The following DPYD variants were observed in gnomAD, a reference collection of about 807,000 sequenced individuals.
DPYD encodes the protein dihydropyrimidine dehydrogenase [NADP(+)].
Under a neutral mutation model 116.2 loss-of-function variants are expected in DPYD, and 109 were observed. That is an observed-to-expected ratio of 0.94 (90% CI 0.80 to 1.10). DPYD has a LOEUF of 1.10. Ranked by LOEUF, DPYD falls within the 50% of genes least tolerant of loss-of-function variation. The pLI is 0.00. For missense variants in DPYD, 1,302 were observed against 1,254.5 expected (o/e 1.04, Z -0.57); for synonymous variants, 440 against 432.0 (o/e 1.02, Z -0.23).
chr1:97,434,455 C>G (rs1480481686), intron 14 of DPYD, among the ~76,000 whole-genome samples: 2 of 151,978 alleles, frequency 1.3e-5, no homozygotes, highest in Non-Finnish European at 2.9e-5. Flanking sequence ...AAATACTTTC[C>G]TTGGATTGGG....
chr1:97,795,137 C>T (rs1667500935), intron 3 of DPYD, among the ~76,000 whole-genome samples: 1 of 151,994 alleles, frequency 6.6e-6, no homozygotes, highest in African/African-American at 2.4e-5. Flanking sequence ...TAAAGTCATA[C>T]TTCTTTATGT....
Position 97,124,667 on chromosome 1 carries a change from G to T in DPYD, c.2623-26035C>A, listed in dbSNP as rs560164675. On this transcript the variant is annotated intron_variant, in intron 20 of 22. Transcript: ENST00000370192. Reference sequence around the variant, plus strand: ...AGGCACAAAATGTTTGGGTTCAGTGGATATAAGTCCACTGAGGAAAGTTAG... The same window carrying T: ...AGGCACAAAATGTTTGGGTTCAGTGTATATAAGTCCACTGAGGAAAGTTAG... 2.9e-4 allele frequency among the ~76,000 whole-genome samples: 44 copies of T among 152,186 alleles called. 1 individual carries two copies. The South Asian group carries it at 8.9e-3, about 31-fold the overall frequency.
intron 14 of DPYD, among the ~76,000 whole-genome samples, chr1:97,401,306 GT>G (rs776919090): frequency 6.6e-6 from 1 of 151,306 alleles, no homozygotes; most frequent in Admixed American, 6.6e-5. Context: ...CTGAGCGGAA[GT>G]TTTTTTTTGT....
At chr1:97,796,351 CTTCTAT>C (rs1667570364) in intron 3 of DPYD, among the ~76,000 whole-genome samples, 1 of 151,926 alleles carries the variant, frequency 6.6e-6, no homozygotes, top group Admixed American at 6.6e-5. Flanking sequence ...TAAACTGATC[CTTCTAT>C]TCAACACATG....
rs1381057828 is a variant in DPYD, at chr1:97,277,196, G to A, written c.2299+28063C>T. Among the ~76,000 whole-genome samples, 9 of 152,014 alleles carry A rather than the reference G, an allele frequency of 5.9e-5. No individual in the cohort carries two copies. The East Asian group carries it at 1.7e-3, about 29-fold the overall frequency. The stretch of plus-strand genomic sequence containing the variant: ...ATATAGATGGGAACAACAGACACTT[G>A]GGACTACCAGAGAAAGGGAGGAAGG... On this transcript the variant is annotated intron_variant, in intron 18 of 22. Transcript: ENST00000370192.
chr1:97,771,028 G>T (rs569911228), intron 3 of DPYD, among the ~76,000 whole-genome samples: 19 of 152,018 alleles, frequency 1.2e-4, no homozygotes, highest in Non-Finnish European at 2.5e-4. Flanking sequence ...ACATTAAAAA[G>T]AAAAATAGGC....
chr1:97,325,290 G>A (rs1423893924), intron 16 of DPYD, among the ~76,000 whole-genome samples: 1 of 151,824 alleles, frequency 6.6e-6, no homozygotes, highest in East Asian at 1.9e-4. Flanking sequence ...ACATCATCTG[G>A]GCAAAGGCAG....
chr1:97,248,540 A>G (rs1430906399), intron 18 of DPYD, among the ~76,000 whole-genome samples: 2 of 152,202 alleles, frequency 1.3e-5, no homozygotes, highest in East Asian at 3.9e-4. Flanking sequence ...GGACTAATAC[A>G]TGGTTTAACA....
intron 11 of DPYD, among the ~76,000 whole-genome samples, chr1:97,552,068 G>GC (rs948504946): frequency 6.6e-5 from 10 of 152,016 alleles, no homozygotes; most frequent in African/African-American, 9.7e-5. Context: ...CTGGAACCAA[G>GC]CCCCCCTAGA....
intron 3 of DPYD, among the ~76,000 whole-genome samples, chr1:97,790,549 C>T (rs1667266313): frequency 6.6e-6 from 1 of 152,172 alleles, no homozygotes; most frequent in Non-Finnish European, 1.5e-5. Flanking sequence ...ACTTTTCTGA[C>T]ATTTGTCTCA....
chr1:97,488,160 T>G (rs1209950741), intron 13 of DPYD, among the ~76,000 whole-genome samples: 1 of 152,202 alleles, frequency 6.6e-6, no homozygotes, highest in Non-Finnish European at 1.5e-5. Context: ...GATGCTTATT[T>G]TTTTTAAAAG....
chr1:97,403,949 G>A (rs1402802383), intron 14 of DPYD, among the ~76,000 whole-genome samples: 2 of 151,676 alleles, frequency 1.3e-5, no homozygotes, highest in African/African-American at 4.8e-5. Context: ...TGCCCTTTAA[G>A]TACTACTTTT....
intron 4 of DPYD, among the ~76,000 whole-genome samples, chr1:97,729,704 T>G (rs974931200): frequency 9.2e-5 from 14 of 152,074 alleles, no homozygotes; most frequent in Non-Finnish European, 5.9e-5. Context: ...TATATAAATT[T>G]TAAGTCACTT....
At chr1:97,400,845 CTTT>C (rs1380240671) in intron 14 of DPYD, among the ~76,000 whole-genome samples, 6 of 152,070 alleles carry the variant, frequency 3.9e-5, no homozygotes, top group African/African-American at 9.7e-5. Context: ...CTCTTTTCTT[CTTT>C]ATTAGTCTTG....
intron 4 of DPYD, among the ~76,000 whole-genome samples, chr1:97,736,444 C>G (rs1663948324): frequency 6.6e-6 from 1 of 150,696 alleles, no homozygotes; most frequent in African/African-American, 2.4e-5. Flanking sequence ...TTATTTATTC[C>G]AAGTAGAACG....
At chr1:97,109,921 ATAT>A (rs1282788687) in intron 20 of DPYD, among the ~76,000 whole-genome samples, 1 of 152,160 alleles carries the variant, frequency 6.6e-6, no homozygotes. Flanking sequence ...ATGGGAAAAT[ATAT>A]TTTATACATT....
At chr1:97,276,363 AG>A (rs1309782096) in intron 18 of DPYD, among the ~76,000 whole-genome samples, 1 of 152,190 alleles carries the variant, frequency 6.6e-6, no homozygotes, top group Non-Finnish European at 1.5e-5. Flanking sequence ...CAGCTTAAAC[AG>A]AGAGCCTACA....
intron 14 of DPYD, among the ~76,000 whole-genome samples, chr1:97,399,445 C>T (rs1673228774): frequency 6.6e-6 from 1 of 152,072 alleles, no homozygotes; most frequent in Non-Finnish European, 1.5e-5. Context: ...TTTTTGGTTC[C>T]ATATGAACTT....
intron 5 of DPYD, among the ~76,000 whole-genome samples, chr1:97,701,198 T>TATATATATATATGAAATATATATATA (rs1661578621): frequency 2.0e-5 from 3 of 147,110 alleles, no homozygotes; most frequent in African/African-American, 4.9e-5. Context: ...ATATATATAT[T>TATATATATATATGAAATATATATATA]ATATATATAT....
Sources: gnomAD v4.1 joint callset for allele counts (sites outside exome capture counted in the v4.1 genomes callset) on GRCh38, gnomAD v4.1.1 for gene constraint, MANE v1.5 for transcripts, NCBI Gene and HGNC (gene_info 2026-07-23, HGNC 2026-07-21) for gene names.